Variants in TMTC1 observed in about 807,000 individuals in gnomAD.
The protein encoded by TMTC1 is transmembrane O-mannosyltransferase targeting cadherins 1, also known as protein O-mannosyl-transferase TMTC1.
Under a neutral mutation model 104.8 loss-of-function variants are expected in TMTC1, and 73 were observed. The ratio of observed to expected loss-of-function variants is 0.70; its 90% CI spans 0.58 to 0.85. The LOEUF (loss-of-function observed/expected upper bound fraction) is 0.85. TMTC1 is among the 40% of genes least tolerant of loss of function. The probability of loss-of-function intolerance (pLI) is 0.00; values close to 1 mark genes in which losing one functional copy is unlikely to be tolerated. For synonymous variants in TMTC1, 434 were observed against 428.7 expected, an observed-to-expected ratio of 1.01 and a Z score of -0.15; for missense variants, 1,035 against 1,096.1, an observed-to-expected ratio of 0.94 and a Z score of 0.79.
At chr12:29,719,263 T>C (rs1942169090) in intron 5 of TMTC1, among the ~76,000 whole-genome samples, 2 of 152,216 alleles carry the variant, frequency 1.3e-5, no homozygotes, top group South Asian at 4.1e-4. Flanking sequence ...TCTCATGGTG[T>C]TTTGTTCACT....
intron 5 of TMTC1, among the ~76,000 whole-genome samples, chr12:29,748,175 C>A (rs996700156): frequency 2.6e-5 from 4 of 152,120 alleles, no homozygotes; most frequent in African/African-American, 9.7e-5. Flanking sequence ...GAGAATCCGG[C>A]CCAATTCCAG....
chr12:29,550,376 C>A (rs1945061883), intron 10 of TMTC1, among the ~76,000 whole-genome samples: 3 of 152,120 alleles, frequency 2.0e-5, no homozygotes, highest in African/African-American at 7.2e-5. Flanking sequence ...TGATCAAGTG[C>A]AGGGCCGGCA....
At chr12:29,751,265 G>C in intron 5 of TMTC1, among the ~76,000 whole-genome samples, 1 of 152,208 alleles carries the variant, frequency 6.6e-6, no homozygotes, top group East Asian at 1.9e-4. Flanking sequence ...GAAAGGAAGA[G>C]TCCTCTGGGT....
At chr12:29,759,722 G>C (rs1201377566) in intron 2 of TMTC1, among the ~76,000 whole-genome samples, 1 of 152,166 alleles carries the variant, frequency 6.6e-6, no homozygotes, top group Non-Finnish European at 1.5e-5. Flanking sequence ...CAGGGCTGAG[G>C]CTGGGGAAAT....
intron 10 of TMTC1, among the ~76,000 whole-genome samples, chr12:29,539,067 A>G (rs1944722264): frequency 6.6e-6 from 1 of 152,222 alleles, no homozygotes; most frequent in Non-Finnish European, 1.5e-5. Context: ...AGGGAGAGGA[A>G]TGAAGAGAAT....
In TMTC1 at chr12:29,545,676, C is replaced by CACACACACACACACACACACACAG. The variant is rs1555167547; in HGVS notation, c.1677-9360_1677-9359insCTGTGTGTGTGTGTGTGTGTGTGT. Among the ~76,000 whole-genome samples, 74 of 137,940 alleles carry CACACACACACACACACACACACAG rather than the reference C, an allele frequency of 5.4e-4. 1 individual carries two copies. The highest frequency in any genetic ancestry group is 1.9e-3 in the African/African-American group (68 of 35,646). 90.5% of individuals were successfully genotyped at this position (137,940 alleles called of 152,430 possible). On this transcript the variant is annotated intron_variant, in intron 10 of 17. Transcript: ENST00000539277. ...ACACACACACACACACACACACACA[C>CACACACACACACACACACACACAG]GGATAGAAACTAAGCCTCAGCAAAG...
At chr12:29,761,666 A>G (rs1049068787) in intron 2 of TMTC1, among the ~76,000 whole-genome samples, 4 of 152,066 alleles carry the variant, frequency 2.6e-5, no homozygotes, top group African/African-American at 7.2e-5. Flanking sequence ...AACAGGTACC[A>G]TAAGAGCTGA....
intron 5 of TMTC1, chr12:29,641,069 C>G (rs1348524324): frequency 3.3e-5 from 5 of 152,274 alleles, no homozygotes; most frequent in African/African-American, 9.7e-5. Context: ...TCCCAGCCCC[C>G]ACAGCAGCCA....
intron 5 of TMTC1, among the ~76,000 whole-genome samples, chr12:29,704,664 T>C (rs558882140): frequency 6.6e-6 from 1 of 152,194 alleles, no homozygotes; most frequent in Non-Finnish European, 1.5e-5. Context: ...TATAACTCCA[T>C]AGGTAGAGGG....
At chr12:29,543,156 T>G (rs762048313) in intron 10 of TMTC1, among the ~76,000 whole-genome samples, 2 of 152,196 alleles carry the variant, frequency 1.3e-5, no homozygotes, top group Non-Finnish European at 2.9e-5. Flanking sequence ...CACTTGTAGT[T>G]TCACAGGGAA....
intron 1 of TMTC1, among the ~76,000 whole-genome samples, chr12:29,772,917 T>C (rs1208418576): frequency 6.6e-6 from 1 of 152,222 alleles, no homozygotes; most frequent in Non-Finnish European, 1.5e-5. Context: ...ATACAATAGA[T>C]TCTAAATGAA....
intron 5 of TMTC1, among the ~76,000 whole-genome samples, chr12:29,689,590 T>G (rs553404330): frequency 6.6e-6 from 1 of 152,318 alleles, no homozygotes; most frequent in Admixed American, 6.5e-5. Context: ...AATTTTACTC[T>G]AATTTCTACT....
chr12:29,707,107 T>A (rs897655379), intron 5 of TMTC1, among the ~76,000 whole-genome samples: 9 of 152,134 alleles, frequency 5.9e-5, no homozygotes, highest in Non-Finnish European at 1.0e-4. Context: ...ATGAACTCCC[T>A]GCAAAATGGT....
chr12:29,577,247 C>A (rs1288541922), intron 8 of TMTC1, among the ~76,000 whole-genome samples: 1 of 152,104 alleles, frequency 6.6e-6, no homozygotes, highest in African/African-American at 2.4e-5. Context: ...TTGTGCTTTA[C>A]CATTTACAAA....
chr12:29,643,292 G>T (rs910748794), intron 5 of TMTC1, among the ~76,000 whole-genome samples: 1 of 151,054 alleles, frequency 6.6e-6, no homozygotes, highest in Non-Finnish European at 1.5e-5. Context: ...CCCACACTGG[G>T]TATCTACCCA....
intron 6 of TMTC1, among the ~76,000 whole-genome samples, chr12:29,615,867 CA>C (rs1946964248): frequency 6.6e-6 from 1 of 152,014 alleles, no homozygotes; most frequent in Non-Finnish European, 1.5e-5. Flanking sequence ...TTTGGAGGTA[CA>C]AAGAAGGCAA....
intron 10 of TMTC1, among the ~76,000 whole-genome samples, chr12:29,538,506 T>C (rs1049130680): frequency 2.0e-5 from 3 of 149,748 alleles, no homozygotes; most frequent in Non-Finnish European, 4.4e-5. Context: ...GGATATAATT[T>C]AGCTTAGATA....
At chr12:29,614,852 A>G (rs1346687592) in intron 6 of TMTC1, among the ~76,000 whole-genome samples, 1 of 152,166 alleles carries the variant, frequency 6.6e-6, no homozygotes, top group Non-Finnish European at 1.5e-5. Context: ...CAGAGAACAA[A>G]CTTGTTTCTT....
chr12:29,669,180 G>GAT (rs1354555852), intron 5 of TMTC1, among the ~76,000 whole-genome samples: 1 of 152,144 alleles, frequency 6.6e-6, no homozygotes, highest in Non-Finnish European at 1.5e-5. Flanking sequence ...GATAGAATAT[G>GAT]ATATATATAC....
Sources: allele counts gnomAD v4.1 joint callset (sites outside exome capture counted in the v4.1 genomes callset), GRCh38; gene constraint gnomAD v4.1.1; transcripts MANE v1.5; gene names NCBI Gene and HGNC (gene_info 2026-07-23, HGNC 2026-07-21).